The following CNTNAP2 variants were observed in gnomAD, a reference collection of about 807,000 sequenced individuals.
CNTNAP2 encodes the protein contactin associated protein 2, also known as contactin-associated protein-like 2.
CNTNAP2 carries 98 observed loss-of-function variants against 155.2 expected under a neutral mutation model. That is an observed-to-expected ratio of 0.63 (90% CI 0.54 to 0.75). CNTNAP2 has a LOEUF of 0.75. Among genes scored for constraint, CNTNAP2 ranks in the 30% least tolerant of loss-of-function variants. The pLI, the probability that CNTNAP2 is intolerant of heterozygous loss-of-function variation, is 0.00. For synonymous variants in CNTNAP2, 651 were observed against 631.2 expected, an observed-to-expected ratio of 1.03 and a Z score of -0.47; for missense variants, 1,727 against 1,688.1, an observed-to-expected ratio of 1.02 and a Z score of -0.40.
chr7:146,666,271 A>T (rs1409292729), intron 1 of CNTNAP2, among the ~76,000 whole-genome samples: 1 of 152,130 alleles, frequency 6.6e-6, no homozygotes, highest in African/African-American at 2.4e-5. Flanking sequence ...TTCCTGGCTT[A>T]TGTCACTTAA....
At chr7:146,942,963 A>C (rs1464272289) in intron 3 of CNTNAP2, among the ~76,000 whole-genome samples, 2 of 152,206 alleles carry the variant, frequency 1.3e-5, no homozygotes, top group African/African-American at 2.4e-5. Context: ...GTAAAAATTT[A>C]GAAATAGTGT....
intron 9 of CNTNAP2, among the ~76,000 whole-genome samples, chr7:147,320,131 T>A (rs1584870643): frequency 6.6e-6 from 1 of 152,306 alleles, no homozygotes; most frequent in Non-Finnish European, 1.5e-5. Context: ...CTTTAGTACA[T>A]TGTTTCTCAC....
At chr7:147,799,337 A>T (rs1797951602) in intron 13 of CNTNAP2, among the ~76,000 whole-genome samples, 1 of 152,168 alleles carries the variant, frequency 6.6e-6, no homozygotes, top group Non-Finnish European at 1.5e-5. Context: ...GGTGCCATCA[A>T]TAATCCTGTA....
At chr7:146,971,311 T>A (rs1797792354) in intron 3 of CNTNAP2, among the ~76,000 whole-genome samples, 1 of 152,184 alleles carries the variant, frequency 6.6e-6, no homozygotes, top group African/African-American at 2.4e-5. Flanking sequence ...GCTTAATTTA[T>A]CCTAAAGCAT....
rs115311028 is a variant in CNTNAP2, at chr7:146,228,519, T to C, written c.97+111546T>C. ...TAAATACTATGTAAATATTGGATATTTTATTTTCAGTATATGTATATATTC... is the reference window on the plus strand; with the variant it reads ...TAAATACTATGTAAATATTGGATATCTTATTTTCAGTATATGTATATATTC... On this transcript the variant is annotated intron_variant, in intron 1 of 23. Transcript: ENST00000361727. Among the ~76,000 whole-genome samples, 792 of 152,326 alleles carry C rather than the reference T, an allele frequency of 5.2e-3. 6 individuals are homozygous for C. The highest frequency in any genetic ancestry group is 0.018 in the African/African-American group (749 of 41,574).
intron 23 of CNTNAP2, among the ~76,000 whole-genome samples, chr7:148,412,891 GA>G (rs1240738999): frequency 4.6e-5 from 7 of 152,164 alleles, no homozygotes; most frequent in Non-Finnish European, 8.8e-5. Context: ...AAAGCTGTTT[GA>G]TGAATGGGTA....
chr7:146,989,454 A>G (rs565103287), intron 3 of CNTNAP2, among the ~76,000 whole-genome samples: 30 of 152,222 alleles, frequency 2.0e-4, no homozygotes, highest in African/African-American at 7.2e-4. Flanking sequence ...ATTTGGCTAA[A>G]AGGGCTAAGA....
chr7:148,082,049 G>C (rs1218820618), intron 15 of CNTNAP2, among the ~76,000 whole-genome samples: 17 of 152,054 alleles, frequency 1.1e-4, no homozygotes, highest in Admixed American at 1.1e-3. Context: ...TGGGCTCAAG[G>C]GATTCTCCTG....
At chr7:147,695,995 TC>T (rs1383517020) in intron 13 of CNTNAP2, among the ~76,000 whole-genome samples, 1 of 152,182 alleles carries the variant, frequency 6.6e-6, no homozygotes, top group Non-Finnish European at 1.5e-5. Context: ...TACAGCTACT[TC>T]CACTTTCTTT....
At chr7:146,200,422 A>G (rs1171018579) in intron 1 of CNTNAP2, among the ~76,000 whole-genome samples, 3 of 151,990 alleles carry the variant, frequency 2.0e-5, no homozygotes, top group Non-Finnish European at 4.4e-5. Flanking sequence ...TGAACCCGGA[A>G]GGCGGAGGTT....
intron 14 of CNTNAP2, among the ~76,000 whole-genome samples, chr7:147,923,725 T>G (rs1800328414): frequency 6.6e-6 from 1 of 152,086 alleles, no homozygotes; most frequent in African/African-American, 2.4e-5. Context: ...TTTGTAGGAA[T>G]TTTCTGTGTT....
At chr7:147,567,953 G>A (rs1262305210) in intron 12 of CNTNAP2, among the ~76,000 whole-genome samples, 2 of 152,248 alleles carry the variant, frequency 1.3e-5, no homozygotes, top group East Asian at 3.9e-4. Context: ...GGGTGTGGTG[G>A]CGCACACCTG....
intron 3 of CNTNAP2, among the ~76,000 whole-genome samples, chr7:146,902,106 G>A (rs1796016223): frequency 6.6e-6 from 1 of 151,716 alleles, no homozygotes. Context: ...GGATGGTGTC[G>A]ATCTCCTAAA....
intron 1 of CNTNAP2, among the ~76,000 whole-genome samples, chr7:146,221,834 G>T (rs1045459001): frequency 2.0e-5 from 3 of 152,146 alleles, no homozygotes; most frequent in Admixed American, 1.3e-4. Context: ...ACTATATTTT[G>T]CTAGGTGAAC....
chr7:146,375,821 A>C (rs1795296694), intron 1 of CNTNAP2, among the ~76,000 whole-genome samples: 1 of 152,162 alleles, frequency 6.6e-6, no homozygotes, highest in African/African-American at 2.4e-5. Context: ...CCTGATGAGA[A>C]ATTCTTATAA....
At chr7:146,766,004 C>A (rs1195950531) in intron 1 of CNTNAP2, among the ~76,000 whole-genome samples, 2 of 151,940 alleles carry the variant, frequency 1.3e-5, no homozygotes, top group Non-Finnish European at 2.9e-5. Context: ...ATCTTCAGGG[C>A]CAGACCATCT....
At chr7:146,486,046 C>CTTTTTTTTTTTTTTTTTTT (rs71175651) in intron 1 of CNTNAP2, among the ~76,000 whole-genome samples, 4 of 42,572 alleles carry the variant, frequency 9.4e-5, no homozygotes, top group Non-Finnish European at 1.3e-4. Context: ...CCACAGCAGT[C>CTTTTTTTTTTTTTTTTTTT]TTTTTTTTTT....
At chr7:146,482,006 A>G (rs1030428462) in intron 1 of CNTNAP2, among the ~76,000 whole-genome samples, 11 of 152,174 alleles carry the variant, frequency 7.2e-5, no homozygotes, top group African/African-American at 2.7e-4. Flanking sequence ...AAGCATGCCT[A>G]TATATAAAGC....
At chr7:147,238,244 T>C (rs779309474) in intron 8 of CNTNAP2, among the ~76,000 whole-genome samples, 20 of 152,152 alleles carry the variant, frequency 1.3e-4, no homozygotes, top group Non-Finnish European at 1.9e-4. Flanking sequence ...CTCCATCTCC[T>C]GACCTCGTGA....
Sources: allele counts gnomAD v4.1 joint callset (sites outside exome capture counted in the v4.1 genomes callset), GRCh38; gene constraint gnomAD v4.1.1; transcripts MANE v1.5; gene names NCBI Gene and HGNC (gene_info 2026-07-23, HGNC 2026-07-21).